The following CSMD2 variants were observed in gnomAD, a reference collection of about 807,000 sequenced individuals.
CSMD2 encodes CUB and sushi domain-containing protein 2.
Under a neutral mutation model 398.5 loss-of-function variants are expected in CSMD2, and 130 were observed. That is an observed-to-expected ratio of 0.33 (90% CI 0.28 to 0.38). The LOEUF is 0.38. Among genes scored for constraint, CSMD2 ranks in the 10% least tolerant of loss-of-function variants. CSMD2 has a pLI of 1.00. For missense variants in CSMD2, 3,829 were observed against 4,764.9 expected (o/e 0.80, Z 5.78); for synonymous variants, 1,828 against 1,908.5 (o/e 0.96, Z 1.10).
At chr1:33,921,445 A>T (rs962399254) in intron 4 of CSMD2, among the ~76,000 whole-genome samples, 3 of 152,210 alleles carry the variant, frequency 2.0e-5, no homozygotes, top group Non-Finnish European at 2.9e-5. Context: ...TATTGTTCCG[A>T]GCAAGCACCG....
At chr1:33,724,149 C>T (rs1646447096) in intron 19 of CSMD2, 48 bp downstream of exon 19, 11 of 1,375,246 alleles carry the variant, frequency 8.0e-6, no homozygotes, top group Non-Finnish European at 1.0e-5. Context: ...GAACTTGGGT[C>T]CCTGACCTCG....
intron 15 of CSMD2, among the ~76,000 whole-genome samples, chr1:33,734,974 T>C (rs545635373): frequency 2.0e-5 from 3 of 152,344 alleles, no homozygotes; most frequent in Non-Finnish European, 4.4e-5. Context: ...TTTTGTTTCA[T>C]GCTGTCAATT....
intron 3 of CSMD2, among the ~76,000 whole-genome samples, chr1:34,011,362 G>C (rs1157136017): frequency 6.6e-6 from 1 of 152,144 alleles, no homozygotes; most frequent in Admixed American, 6.5e-5. Context: ...AAATCAGTTT[G>C]GTAAACTGGC....
At chr1:34,063,610 G>A (rs1421922088) in intron 2 of CSMD2, among the ~76,000 whole-genome samples, 1 of 152,194 alleles carries the variant, frequency 6.6e-6, no homozygotes, top group Non-Finnish European at 1.5e-5. Flanking sequence ...CCGGCCTGTG[G>A]CTTTGCAGGG....
At chr1:33,775,218 T>C (rs1302054396) in intron 12 of CSMD2, among the ~76,000 whole-genome samples, 3 of 152,122 alleles carry the variant, frequency 2.0e-5, no homozygotes, top group African/African-American at 7.2e-5. Context: ...TGAAGAAAAA[T>C]ACCAACATTT....
At position 33,935,656 on chromosome 1, in the gene CSMD2, T is replaced by G. The variant is rs572340113; in HGVS notation, c.712+104A>C. 30 of 1,244,468 alleles carry G rather than the reference T, an allele frequency of 2.4e-5. No individual in the cohort carries two copies. The South Asian group carries it at 4.5e-4, about 19-fold the overall frequency. The allele number at this position is 1,244,468 out of a possible 1,614,324, so 77.1% of individuals were successfully genotyped here. ...GTCCAGACTTGGGTACCCCCCTCCC[T>G]GCTGGGGTGTAGCTTTGCCCTTTGA... On this transcript the variant is annotated intron_variant, in intron 4 of 70. Coordinates refer to ENST00000373381, the MANE Select transcript of CSMD2 (RefSeq NM_001281956.2).
intron 27 of CSMD2, among the ~76,000 whole-genome samples, chr1:33,653,713 A>G (rs1270659147): frequency 6.6e-6 from 1 of 152,026 alleles, no homozygotes; most frequent in Non-Finnish European, 1.5e-5. Flanking sequence ...TGGCATGAGG[A>G]CTGGATAGAG....
chr1:33,729,677 G>T (rs1364318905), intron 15 of CSMD2, among the ~76,000 whole-genome samples: 1 of 151,316 alleles, frequency 6.6e-6, no homozygotes, highest in Non-Finnish European at 1.5e-5. Context: ...TGGAGGGGAG[G>T]ATTCTTAAAT....
chr1:33,586,493 C>A lies in CSMD2; in HGVS notation c.7051+11G>T, dbSNP rs775514953. 1 of 1,577,240 alleles carries A rather than the reference C, an allele frequency of 6.3e-7. No homozygotes were observed. The highest frequency in any genetic ancestry group is 8.7e-7 in the Non-Finnish European group (1 of 1,146,788). Reference sequence around the variant, plus strand: ...TCTAGGCCCCATACAGATGCGGCTCCATGCAATTACCTTCACATATCGGGG... The same window carrying A: ...TCTAGGCCCCATACAGATGCGGCTCAATGCAATTACCTTCACATATCGGGG... On this transcript the variant is annotated intron_variant, in intron 46 of 70. Transcript: ENST00000373381.
In CSMD2 at chr1:33,567,680, A is replaced by G; in HGVS notation, c.8293T>C (p.Cys2765Arg). 1 of 1,614,140 alleles carries G rather than the reference A, an allele frequency of 6.2e-7. No individual in the cohort carries two copies. The highest frequency in any genetic ancestry group is 8.5e-7 in the Non-Finnish European group (1 of 1,180,024). Reference protein sequence around the residue: ...YSYRGSVVYQCNAGFRLIGMS... With the variant: ...YSYRGSVVYQRNAGFRLIGMS... Reference sequence around the variant, plus strand: ...CCGATCAGGCGGAAGCCAGCATTGCATTGGTACACCACACTGCCCCGGTAG... The same window carrying G: ...CCGATCAGGCGGAAGCCAGCATTGCGTTGGTACACCACACTGCCCCGGTAG... Residue 2765 changes from cysteine (C) to arginine (R), a missense_variant, in exon 53 of 71, where the codon TGC (cysteine) becomes CGC (arginine). Coordinates refer to ENST00000373381, the MANE Select transcript of CSMD2 (RefSeq NM_001281956.2).
At chr1:34,148,429 T>C (rs1166877952) in intron 1 of CSMD2, among the ~76,000 whole-genome samples, 1 of 152,232 alleles carries the variant, frequency 6.6e-6, no homozygotes, top group Non-Finnish European at 1.5e-5. Context: ...AATTGCATCT[T>C]TGCTGCTCCC....
At chr1:33,546,274 G>C in intron 56 of CSMD2, 55 bp from the exon 57 acceptor site, 2 of 1,538,082 alleles carry the variant, frequency 1.3e-6, no homozygotes, top group South Asian at 1.2e-5. Flanking sequence ...AAAGGGAGTG[G>C]AGAAGCAGGG....
chr1:34,072,819 C>T (rs2148302907), intron 2 of CSMD2, among the ~76,000 whole-genome samples: 1 of 152,280 alleles, frequency 6.6e-6, no homozygotes, highest in East Asian at 1.9e-4. Flanking sequence ...ACCACGTCTG[C>T]CCAGACCCTC....
At chr1:33,736,478 C>T (rs1220763619) in intron 15 of CSMD2, among the ~76,000 whole-genome samples, 1 of 146,550 alleles carries the variant, frequency 6.8e-6, no homozygotes, top group Admixed American at 6.8e-5. Flanking sequence ...GACTCCGTCT[C>T]AAAGAAAAAA....
chr1:34,018,103 G>A (rs539352900), intron 3 of CSMD2, among the ~76,000 whole-genome samples: 2 of 152,146 alleles, frequency 1.3e-5, no homozygotes, highest in South Asian at 4.2e-4. Context: ...TTTCCATCCA[G>A]TCCCTGTTCA....
chr1:33,581,889 A>G (rs1170664295), intron 47 of CSMD2, among the ~76,000 whole-genome samples: 2 of 152,158 alleles, frequency 1.3e-5, no homozygotes, highest in Non-Finnish European at 2.9e-5. Context: ...TTAATGGATC[A>G]TATTAAACAA....
intron 20 of CSMD2, among the ~76,000 whole-genome samples, chr1:33,715,205 G>C (rs181138430): frequency 1.3e-5 from 2 of 152,236 alleles, no homozygotes; most frequent in Admixed American, 1.3e-4. Context: ...CTGCTTCCTT[G>C]TCTCTGGGCA....
chr1:33,541,272 G>A lies in CSMD2; in HGVS notation c.9315C>T (p.Gly3105=), dbSNP rs1390719033. The A allele has an allele frequency of 3.1e-6, 5 of 1,613,922 alleles. No individual in the cohort carries two copies. The highest frequency in any genetic ancestry group is 4.2e-6 in the Non-Finnish European group (5 of 1,179,992). ...ACCTGAAGTCATTGCCCAGCCGAAG[G>A]CCATTGGCTGGAATCCCAGGGTCAC... The part of the protein sequence containing the change: ...NCGDPGIPAN[G]LRLGNDFRYN... The change falls in exon 59 of 71, where the codon GGC becomes GGT. Residue 3105 remains glycine, a synonymous_variant. Coordinates refer to ENST00000373381, the MANE Select transcript of CSMD2 (RefSeq NM_001281956.2).
intron 2 of CSMD2, among the ~76,000 whole-genome samples, chr1:34,064,213 T>C (rs546381785): frequency 6.6e-6 from 1 of 152,254 alleles, no homozygotes; most frequent in African/African-American, 2.4e-5. Context: ...TTGTTACTTA[T>C]GCAAATTTTT....
Sources: allele counts gnomAD v4.1 joint callset (sites outside exome capture counted in the v4.1 genomes callset), GRCh38; gene constraint gnomAD v4.1.1; transcripts MANE v1.5; gene names NCBI Gene and HGNC (gene_info 2026-07-23, HGNC 2026-07-21).